Variants in AXDND1 observed in about 807,000 individuals in gnomAD.
AXDND1 encodes axonemal dynein light chain domain containing 1.
In AXDND1, 110 loss-of-function variants were observed where a neutral mutation model predicts 137.5. That is an observed-to-expected ratio of 0.80 (90% CI 0.69 to 0.94). The LOEUF (loss-of-function observed/expected upper bound fraction) is 0.94, where lower values mean the gene tolerates loss of function less well. Among genes scored for constraint, AXDND1 ranks in the 40% least tolerant of loss-of-function variants. The pLI, the probability that AXDND1 is intolerant of heterozygous loss-of-function variation, is 0.00. For synonymous variants in AXDND1, 414 were observed against 399.7 expected (o/e 1.04, Z -0.43); for missense variants, 1,191 against 1,169.8 (o/e 1.02, Z -0.26).
At chr1:179,371,289 G>C (rs1032363743) in intron 4 of AXDND1, among the ~76,000 whole-genome samples, 1 of 152,030 alleles carries the variant, frequency 6.6e-6, no homozygotes, top group African/African-American at 2.4e-5. Flanking sequence ...TTAGCCAGGC[G>C]TGGTGGCGCA....
At chr1:179,525,558 A>T in intron 22 of AXDND1, 111 bp downstream of exon 22, 1 of 1,277,420 alleles carries the variant, frequency 7.8e-7, no homozygotes, top group African/African-American at 1.5e-5. Flanking sequence ...GTGCTGTGGT[A>T]TCATCATAGC....
At chr1:179,534,991 T>C (rs760517602) in intron 25 of AXDND1, 29 bp downstream of exon 25, 1 of 1,606,222 alleles carries the variant, frequency 6.2e-7, no homozygotes, top group Non-Finnish European at 8.5e-7. Context: ...TTTGCTTTAT[T>C]CAGGTTGTAT....
intron 22 of AXDND1, among the ~76,000 whole-genome samples, chr1:179,526,822 A>G (rs1670572848): frequency 6.6e-6 from 1 of 152,254 alleles, no homozygotes; most frequent in South Asian, 2.1e-4. Flanking sequence ...AATAAAGTCC[A>G]GATAAAGCAA....
At chr1:179,493,325 G>C (rs1042608904) in intron 20 of AXDND1, among the ~76,000 whole-genome samples, 1 of 151,896 alleles carries the variant, frequency 6.6e-6, no homozygotes, top group Admixed American at 6.6e-5. Context: ...ACATATTGTT[G>C]CTTTTATCAA....
chr1:179,391,660 C>A (rs181796459), intron 9 of AXDND1, among the ~76,000 whole-genome samples: 20 of 152,162 alleles, frequency 1.3e-4, no homozygotes, highest in South Asian at 4.1e-4. Flanking sequence ...CCTCAGCCTC[C>A]CAAGTAGCTA....
intron 16 of AXDND1, among the ~76,000 whole-genome samples, chr1:179,467,397 C>G (rs1663352543): frequency 6.6e-6 from 1 of 151,644 alleles, no homozygotes; most frequent in Admixed American, 6.6e-5. Context: ...AACCGTGGAT[C>G]AAAAATACTT....
intron 10 of AXDND1, among the ~76,000 whole-genome samples, chr1:179,394,603 A>G (rs1391322435): frequency 1.3e-5 from 2 of 151,996 alleles, no homozygotes; most frequent in East Asian, 3.8e-4. Flanking sequence ...AAAATAAAAT[A>G]AAATAAAATA....
At chr1:179,369,278 A>G (rs1667785525) in intron 3 of AXDND1, among the ~76,000 whole-genome samples, 1 of 138,676 alleles carries the variant, frequency 7.2e-6, no homozygotes, top group Admixed American at 7.0e-5. Flanking sequence ...GAGTTTCGCC[A>G]TGTTGCCTAT....
intron 12 of AXDND1, among the ~76,000 whole-genome samples, chr1:179,429,288 A>G (rs1476102076): frequency 2.0e-5 from 3 of 152,216 alleles, no homozygotes; most frequent in Admixed American, 6.5e-5. Flanking sequence ...CATTTTTTGT[A>G]TAAAGGGGTC....
intron 9 of AXDND1, among the ~76,000 whole-genome samples, chr1:179,392,615 C>T (rs1442935452): frequency 6.6e-6 from 1 of 152,166 alleles, no homozygotes; most frequent in African/African-American, 2.4e-5. Flanking sequence ...GTTCTCTTTT[C>T]ACCACATCCA....
chr1:179,548,318 T>A (rs1672834377), intron 25 of AXDND1, among the ~76,000 whole-genome samples: 1 of 152,232 alleles, frequency 6.6e-6, no homozygotes, highest in South Asian at 2.1e-4. Flanking sequence ...ATGCATTATC[T>A]TATTTAATCA....
chr1:179,456,974 A>G, intron 16 of AXDND1: 6 of 1,555,540 alleles, frequency 3.9e-6, no homozygotes, highest in Admixed American at 1.7e-5. Context: ...ATAATCTCTT[A>G]GGTGATGTTC....
chr1:179,473,455 G>A (rs375187581), intron 17 of AXDND1, among the ~76,000 whole-genome samples: 18 of 152,096 alleles, frequency 1.2e-4, no homozygotes, highest in South Asian at 1.0e-3. Context: ...CCGAGATCGC[G>A]CCATTGCACT....
Position 179,483,195 on chromosome 1 carries a change from A to G in AXDND1, c.2065A>G (p.Asn689Asp), listed in dbSNP as rs1665633808. 2 of 1,610,840 alleles carry G rather than the reference A, an allele frequency of 1.2e-6. No individual in the cohort carries two copies. The highest frequency in any genetic ancestry group is 1.3e-5 in the African/African-American group (1 of 74,930). Residue 689 changes from asparagine (N) to aspartate (D), a missense_variant, in exon 18 of 26, where the codon AAC becomes GAC. Asn to Asp is a conservative substitution (Grantham distance 23). Transcript: ENST00000367618. ...WLLKIGNEIN[N>D]GNIELQHHMD... ...TTTGAAGATAGGCAATGAAATTAAC[A>G]ACGGTAACATTGAACTTCAGCACCA...
intron 25 of AXDND1, chr1:179,550,668 A>AG (rs1008210572): frequency 5.5e-6 from 1 of 183,294 alleles, no homozygotes; most frequent in African/African-American, 2.3e-5. Context: ...TGAGGAATTC[A>AG]GGGTGGAGCA....
chr1:179,391,510 TTTATTTATTTATTTATTTATTTAC>T (rs1400279604), intron 9 of AXDND1, among the ~76,000 whole-genome samples: 1 of 129,376 alleles, frequency 7.7e-6, no homozygotes, highest in African/African-American at 2.9e-5. Flanking sequence ...ATCTGATGAT[TTTATTTATTTATTTATTTATTTAC>T]TTATTTATTT....
intron 16 of AXDND1, chr1:179,456,953 T>C: frequency 6.6e-7 from 1 of 1,514,394 alleles, no homozygotes; most frequent in East Asian, 2.2e-5. Flanking sequence ...ATTTTTTCCA[T>C]ACTGTTCAAA....
chr1:179,432,415 A>T, intron 15 of AXDND1, 73 bp downstream of exon 15: 1 of 1,424,230 alleles, frequency 7.0e-7, no homozygotes, highest in Non-Finnish European at 9.2e-7. Flanking sequence ...CCTACAACTG[A>T]GGCACATCCC....
chr1:179,400,930 A>G (rs1430245348), intron 11 of AXDND1, among the ~76,000 whole-genome samples: 5 of 148,306 alleles, frequency 3.4e-5, no homozygotes, highest in East Asian at 2.0e-4. Flanking sequence ...AAAAAAAAGA[A>G]AAAAAAAAGG....
Sources: allele counts gnomAD v4.1 joint callset (sites outside exome capture counted in the v4.1 genomes callset), GRCh38; gene constraint gnomAD v4.1.1; transcripts MANE v1.5; gene names NCBI Gene and HGNC (gene_info 2026-07-23, HGNC 2026-07-21).